The following ROBO1 variants were observed in gnomAD, a reference collection of about 807,000 sequenced individuals.
The protein encoded by ROBO1 is roundabout guidance receptor 1, also known as roundabout homolog 1.
Under a neutral mutation model 195.9 loss-of-function variants are expected in ROBO1, and 149 were observed. That is an observed-to-expected ratio of 0.76 (90% CI 0.67 to 0.87). ROBO1 has a LOEUF of 0.87. Ranked by LOEUF, ROBO1 falls within the 40% of genes least tolerant of loss-of-function variation. The pLI is 0.00. For synonymous variants in ROBO1, 816 were observed against 733.2 expected (o/e 1.11, Z -1.82); for missense variants, 1,933 against 2,068.3 (o/e 0.93, Z 1.27).
chr3:78,697,584 G>A (rs958233865), intron 8 of ROBO1, among the ~76,000 whole-genome samples: 2 of 152,064 alleles, frequency 1.3e-5, no homozygotes, highest in African/African-American at 2.4e-5. Flanking sequence ...TAACAGAAAA[G>A]GTCACTGAAC....
intron 4 of ROBO1, among the ~76,000 whole-genome samples, chr3:78,828,974 G>A (rs2031895909): frequency 6.6e-6 from 1 of 152,164 alleles, no homozygotes; most frequent in South Asian, 2.1e-4. Context: ...GTTAGAAGCG[G>A]TGTGGAATGT....
In ROBO1 at chr3:78,659,660, A is replaced by AATATAT. The variant is rs10662787; in HGVS notation, c.2442+20_2442+25dup. ...GGTGGGGGCTGCCCATCAGGACATT[A>AATATAT]ATATATATATATATTATACTCATAC... On this transcript the variant is annotated intron_variant, in intron 17 of 30. Coordinates refer to ENST00000464233, the MANE Select transcript of ROBO1 (RefSeq NM_002941.4). 4.3e-3 allele frequency: 5,740 copies of AATATAT among 1,342,390 alleles called. 11 individuals carry two copies. The highest frequency in any genetic ancestry group is 5.1e-3 in the Non-Finnish European group (5,182 of 1,025,810). 83.2% of individuals were successfully genotyped at this position (1,342,390 alleles called of 1,614,324 possible).
chr3:78,850,029 G>C (rs1235160489), intron 4 of ROBO1, among the ~76,000 whole-genome samples: 1 of 152,032 alleles, frequency 6.6e-6, no homozygotes, highest in Non-Finnish European at 1.5e-5. Context: ...ATTACCTACG[G>C]TGTTCCATAC....
chr3:79,645,239 T>C (rs1039343317), intron 1 of ROBO1, among the ~76,000 whole-genome samples: 1 of 152,066 alleles, frequency 6.6e-6, no homozygotes, highest in African/African-American at 2.4e-5. Flanking sequence ...TAGTGGCTCA[T>C]GTCTGTAATC....
At chr3:79,330,871 T>A (rs1219875628) in intron 2 of ROBO1, among the ~76,000 whole-genome samples, 2 of 152,148 alleles carry the variant, frequency 1.3e-5, no homozygotes, top group African/African-American at 4.8e-5. Context: ...TGCTTTCTGG[T>A]CCTTCAGGTC....
chr3:79,039,579 C>T (rs2078444143), intron 3 of ROBO1, among the ~76,000 whole-genome samples: 2 of 151,976 alleles, frequency 1.3e-5, no homozygotes, highest in South Asian at 2.1e-4. Flanking sequence ...GGGCAGATCA[C>T]GAGGTCAGGA....
rs144258108 is a variant in ROBO1 at position 79,559,745 on chromosome 3, C to T, written c.88+30079G>A. Among the ~76,000 whole-genome samples the T allele has an allele frequency of 9.9e-4, 150 of 152,068 alleles. 2 individuals are homozygous for T. In the East Asian group the frequency reaches 0.026, roughly 26 times the overall value. ...CAGCCTGACTAACATGGTGAAACCC[C>T]GTCTCTACTAAAAACACAAAAATTA... On this transcript the variant is annotated intron_variant, in intron 2 of 30. Coordinates refer to ENST00000464233, the MANE Select transcript of ROBO1 (RefSeq NM_002941.4).
chr3:78,787,563 T>A (rs2083874627), intron 4 of ROBO1, among the ~76,000 whole-genome samples: 1 of 152,200 alleles, frequency 6.6e-6, no homozygotes, highest in African/African-American at 2.4e-5. Flanking sequence ...AAGTAAAAAT[T>A]TCAGTAAAAC....
intron 1 of ROBO1, among the ~76,000 whole-genome samples, chr3:79,653,059 A>G (rs1212378994): frequency 2.6e-5 from 4 of 151,868 alleles, no homozygotes; most frequent in African/African-American, 9.7e-5. Context: ...AATGTTTCTG[A>G]GCAATTTGGA....
intron 30 of ROBO1, 154 bp downstream of exon 30, chr3:78,599,959 A>G: frequency 1.4e-6 from 1 of 700,510 alleles, no homozygotes; most frequent in East Asian, 2.6e-5. Flanking sequence ...AAAATTCTCA[A>G]ATTCTCAGAA....
intron 4 of ROBO1, among the ~76,000 whole-genome samples, chr3:78,812,942 C>T (rs949976272): frequency 6.6e-6 from 1 of 152,024 alleles, no homozygotes; most frequent in Non-Finnish European, 1.5e-5. Flanking sequence ...GAAATATTAA[C>T]TATCTTGTAC....
chr3:78,662,252 A>G lies in ROBO1; in HGVS notation c.1967-138T>C, dbSNP rs557323235. ...AGCCAGGCTGTGATTCGGAAAAAAA[A>G]AAAAAAAGGAATAATTTAACCTTTT... On this transcript the variant is annotated intron_variant, in intron 14 of 30. Coordinates refer to ENST00000464233, the MANE Select transcript of ROBO1 (RefSeq NM_002941.4). 5.7e-4 allele frequency: 439 copies of G among 768,316 alleles called. 3 individuals carry two copies. The African/African-American group carries it at 6.8e-3, about 12-fold the overall frequency. 47.6% of individuals were successfully genotyped at this position (768,316 alleles called of 1,614,324 possible). A position where few individuals can be genotyped will look rare whatever the true frequency, so the allele number is the denominator to read the frequency against.
At chr3:79,268,101 GA>G (rs1177783121) in intron 2 of ROBO1, among the ~76,000 whole-genome samples, 1 of 151,606 alleles carries the variant, frequency 6.6e-6, no homozygotes, top group Non-Finnish European at 1.5e-5. Flanking sequence ...GTTGTGTGCA[GA>G]AAAAATTATC....
intron 3 of ROBO1, among the ~76,000 whole-genome samples, chr3:78,957,271 T>C (rs1310258601): frequency 6.7e-6 from 1 of 150,290 alleles, no homozygotes; most frequent in Non-Finnish European, 1.5e-5. Context: ...CTGCACCAGG[T>C]CTGCACTAGA....
rs17016606 is a variant in ROBO1 at position 78,924,568 on chromosome 3, T to G, written c.499+14033A>C. ...CAAAAAAGAGCTGTAACTGCATCTG[T>G]AACAGGCATATTAAAATATTTCTTC... On this transcript the variant is annotated intron_variant, in intron 4 of 30. Transcript: ENST00000464233. Among the ~76,000 whole-genome samples the G allele has an allele frequency of 5.0e-3, 763 of 152,208 alleles. 22 individuals are homozygous for G. Among genetic ancestry groups the G allele is most frequent in the Admixed American group, 0.046 (697 of 15,282 alleles).
rs543653867 is a variant in ROBO1 at position 79,764,376 on chromosome 3, T to C, written c.-51+3376A>G. Among the ~76,000 whole-genome samples the C allele has an allele frequency of 2.0e-5, 3 of 152,220 alleles. No individual in the cohort carries two copies. The South Asian group carries it at 6.2e-4, about 32-fold the overall frequency. On this transcript the variant is annotated intron_variant, in intron 1 of 30. Transcript: ENST00000464233. ...TATGTGACCAGGTCATAATCTAGCC[T>C]ATTGTATGCTATCATGTTTTTGTCT...
At position 79,355,593 on chromosome 3, in the gene ROBO1, C is replaced by T. The variant is rs141515747; in HGVS notation, c.89-230054G>A. ...ACCTCCTCTCCCCGTCCTCTGGTAA[C>T]CACTGTTCTACTCTCTAATTCTATC... On this transcript the variant is annotated intron_variant, in intron 2 of 30. Coordinates refer to ENST00000464233, the MANE Select transcript of ROBO1 (RefSeq NM_002941.4). 3.4e-3 allele frequency among the ~76,000 whole-genome samples: 524 copies of T among 152,252 alleles called. 9 individuals are homozygous for T. Among genetic ancestry groups the T allele is most frequent in the East Asian group, 0.023 (117 of 5,174 alleles).
At chr3:79,145,992 T>C (rs755526044) in intron 2 of ROBO1, among the ~76,000 whole-genome samples, 23 of 151,090 alleles carry the variant, frequency 1.5e-4, no homozygotes, top group Non-Finnish European at 2.8e-4. Flanking sequence ...CCTTAAACCT[T>C]TGAGAATAGT....
At chr3:79,616,138 A>G (rs1944812657) in intron 1 of ROBO1, among the ~76,000 whole-genome samples, 1 of 152,124 alleles carries the variant, frequency 6.6e-6, no homozygotes, top group Admixed American at 6.6e-5. Context: ...GAACTTCTGA[A>G]GAGCAGAGCA....
Sources: gnomAD v4.1 joint callset for allele counts (sites outside exome capture counted in the v4.1 genomes callset) on GRCh38, gnomAD v4.1.1 for gene constraint, MANE v1.5 for transcripts, NCBI Gene and HGNC (gene_info 2026-07-23, HGNC 2026-07-21) for gene names.